The following SNTG1 variants were observed in gnomAD, a reference collection of about 807,000 sequenced individuals.
SNTG1 encodes gamma-1-syntrophin.
In SNTG1, 39 loss-of-function variants were observed where a neutral mutation model predicts 74.7. The observed-to-expected ratio is 0.52, with a 90% CI of 0.40 to 0.68. SNTG1 has a LOEUF of 0.68. SNTG1 is among the 30% of genes least tolerant of loss of function. The pLI is 0.00. For missense variants in SNTG1, 685 were observed against 609.5 expected, an observed-to-expected ratio of 1.12 and a Z score of -1.30; for synonymous variants, 254 against 217.1, an observed-to-expected ratio of 1.17 and a Z score of -1.49.
At chr8:50,162,578 G>T (rs200341058) in intron 1 of SNTG1, among the ~76,000 whole-genome samples, 1 of 136,338 alleles carries the variant, frequency 7.3e-6, no homozygotes, top group African/African-American at 2.7e-5. Context: ...AAAAAAAAAA[G>T]AAAAAAAAAG....
chr8:50,768,158 G>A (rs1254874377), intron 18 of SNTG1, among the ~76,000 whole-genome samples: 1 of 151,856 alleles, frequency 6.6e-6, no homozygotes, highest in South Asian at 2.1e-4. Context: ...CACCATCTCA[G>A]GTACTACAGC....
chr8:50,410,259 G>A (rs1000336254), intron 4 of SNTG1, among the ~76,000 whole-genome samples: 4 of 152,108 alleles, frequency 2.6e-5, no homozygotes, highest in Admixed American at 2.0e-4. Flanking sequence ...GGCATGGTGT[G>A]TGCAGGCCTA....
At chr8:49,998,547 AT>A (rs1020217480) in intron 1 of SNTG1, among the ~76,000 whole-genome samples, 3 of 147,578 alleles carry the variant, frequency 2.0e-5, no homozygotes, top group Admixed American at 6.8e-5. Context: ...TTTATTTTTA[AT>A]TTTTTTCTTT....
intron 2 of SNTG1, among the ~76,000 whole-genome samples, chr8:50,255,943 T>C (rs2086859936): frequency 6.6e-6 from 1 of 152,144 alleles, no homozygotes; most frequent in Admixed American, 6.6e-5. Flanking sequence ...AACCCTACCT[T>C]GCCTATAAGA....
intron 2 of SNTG1, among the ~76,000 whole-genome samples, chr8:50,194,315 G>A (rs376455329): frequency 1.5e-4 from 23 of 151,896 alleles, no homozygotes; most frequent in African/African-American, 4.8e-4. Flanking sequence ...ATGTTTTGTT[G>A]GCAATTTTCA....
chr8:50,101,365 C>T (rs991364116), intron 1 of SNTG1, among the ~76,000 whole-genome samples: 20 of 152,012 alleles, frequency 1.3e-4, no homozygotes, highest in African/African-American at 3.9e-4. Context: ...AACTACTTTC[C>T]ACAGAGGCTG....
At chr8:50,736,168 T>C (rs1293451865) in intron 17 of SNTG1, among the ~76,000 whole-genome samples, 5 of 151,832 alleles carry the variant, frequency 3.3e-5, no homozygotes, top group Admixed American at 2.0e-4. Flanking sequence ...TGCAAGAACA[T>C]ACCAAATTGT....
chr8:50,394,167 A>G (rs1039490322), intron 2 of SNTG1, 45 bp from the exon 3 acceptor site: 3 of 1,494,172 alleles, frequency 2.0e-6, no homozygotes, highest in African/African-American at 1.4e-5. Context: ...TCTCTCTTAC[A>G]TGCCATGCTG....
At chr8:50,777,189 C>A (rs1254370696) in intron 18 of SNTG1, among the ~76,000 whole-genome samples, 1 of 147,638 alleles carries the variant, frequency 6.8e-6, no homozygotes, top group Admixed American at 6.8e-5. Context: ...TTTTTGTCCT[C>A]ATTTTTTGGA....
intron 18 of SNTG1, among the ~76,000 whole-genome samples, chr8:50,786,770 G>A (rs539801943): frequency 2.8e-4 from 43 of 152,010 alleles, no homozygotes; most frequent in African/African-American, 1.0e-3. Flanking sequence ...AAATAGTGCT[G>A]GGAAAACCGG....
At chr8:50,376,607 C>T (rs1223543152) in intron 2 of SNTG1, among the ~76,000 whole-genome samples, 1 of 151,468 alleles carries the variant, frequency 6.6e-6, no homozygotes, top group Non-Finnish European at 1.5e-5. Context: ...GTGTCGTCCA[C>T]TTTCAGAGTC....
At chr8:50,646,681 G>C (rs867801062) in intron 13 of SNTG1, among the ~76,000 whole-genome samples, 2 of 152,094 alleles carry the variant, frequency 1.3e-5, no homozygotes, top group South Asian at 4.1e-4. Flanking sequence ...ATGTAGAAAT[G>C]TAATTATTAT....
At chr8:49,928,304 C>T (rs1226765009) in intron 1 of SNTG1, among the ~76,000 whole-genome samples, 2 of 151,606 alleles carry the variant, frequency 1.3e-5, no homozygotes, top group Non-Finnish European at 2.9e-5. Context: ...ATCAGCCGCT[C>T]ATTGCAACCT....
intron 13 of SNTG1, among the ~76,000 whole-genome samples, chr8:50,599,857 G>A (rs183370412): frequency 1.7e-3 from 261 of 152,148 alleles, no homozygotes; most frequent in African/African-American, 6.2e-3. Context: ...AGTAACAGTT[G>A]GGAAAGTGGG....
intron 2 of SNTG1, among the ~76,000 whole-genome samples, chr8:50,270,798 C>A (rs74589770): frequency 0.061 from 9,357 of 152,156 alleles, 322 homozygotes; most frequent in South Asian, 0.077. Flanking sequence ...GAAAGAAAGA[C>A]CTAAAAACAA....
chr8:50,093,909 G>A (rs759582990), intron 1 of SNTG1, among the ~76,000 whole-genome samples: 8 of 152,172 alleles, frequency 5.3e-5, no homozygotes, highest in Non-Finnish European at 1.2e-4. Flanking sequence ...AAATAAAACT[G>A]AAGATTCTAG....
intron 13 of SNTG1, among the ~76,000 whole-genome samples, chr8:50,651,932 T>A (rs2095149352): frequency 6.6e-6 from 1 of 151,570 alleles, no homozygotes; most frequent in Non-Finnish European, 1.5e-5. Context: ...GCATTTTTAG[T>A]AGAGATGGGG....
chr8:50,116,686 T>A (rs2080836421), intron 1 of SNTG1, among the ~76,000 whole-genome samples: 1 of 152,210 alleles, frequency 6.6e-6, no homozygotes, highest in Admixed American at 6.6e-5. Flanking sequence ...CTCTTGTTAG[T>A]CAGGTTAGGT....
chr8:50,169,297 G>A (rs1256801410), intron 1 of SNTG1, among the ~76,000 whole-genome samples: 2 of 152,160 alleles, frequency 1.3e-5, no homozygotes, highest in African/African-American at 4.8e-5. Flanking sequence ...GACATCAATA[G>A]TGTATTTTTA....
Sources: gnomAD v4.1 joint callset for allele counts (sites outside exome capture counted in the v4.1 genomes callset) on GRCh38, gnomAD v4.1.1 for gene constraint, MANE v1.5 for transcripts, NCBI Gene and HGNC (gene_info 2026-07-23, HGNC 2026-07-21) for gene names.